USH2A: variants seen among roughly 807,000 people sequenced by gnomAD.
USH2A encodes usherin.
A neutral mutation model predicts 538.9 loss-of-function variants in USH2A; 443 were observed. The observed-to-expected ratio is 0.82, with a 90% confidence interval of 0.76 to 0.89. USH2A has a LOEUF of 0.89. Ranked by LOEUF, USH2A falls within the 40% of genes least tolerant of loss-of-function variation. USH2A has a pLI of 0.00. For synonymous variants in USH2A, 2,413 were observed against 2,273.5 expected, an observed-to-expected ratio of 1.06 and a Z score of -1.75; for missense variants, 6,633 against 6,324.8, an observed-to-expected ratio of 1.05 and a Z score of -1.65.
chr1:215,953,263 T>C (rs1265315817), intron 37 of USH2A, among the ~76,000 whole-genome samples: 1 of 152,080 alleles, frequency 6.6e-6, no homozygotes, highest in Non-Finnish European at 1.5e-5. Flanking sequence ...GCCAAGTCAA[T>C]CCTAAGCCAA....
At chr1:216,058,139 A>G (rs1045467634) in intron 30 of USH2A, among the ~76,000 whole-genome samples, 10 of 127,274 alleles carry the variant, frequency 7.9e-5, no homozygotes, top group Non-Finnish European at 1.4e-4. Flanking sequence ...AGCCTTGTCC[A>G]TAAGGATGAC....
chr1:216,018,103 T>C (rs1668760084), intron 32 of USH2A, among the ~76,000 whole-genome samples: 1 of 152,178 alleles, frequency 6.6e-6, no homozygotes, highest in South Asian at 2.1e-4. Context: ...TATTATAACA[T>C]TTAATATGGA....
At chr1:215,941,669 GT>G (rs1430068558) in intron 37 of USH2A, among the ~76,000 whole-genome samples, 1 of 152,124 alleles carries the variant, frequency 6.6e-6, no homozygotes, top group African/African-American at 2.4e-5. Context: ...TGCTGAGCCT[GT>G]GGTGCTACTA....
intron 32 of USH2A, among the ~76,000 whole-genome samples, chr1:216,040,618 G>A (rs2030232929): frequency 6.6e-6 from 1 of 151,978 alleles, no homozygotes; most frequent in Admixed American, 6.6e-5. Context: ...TCGATCAGGT[G>A]CTGTCCAGCC....
At position 215,703,753 on chromosome 1, in the gene USH2A, T is replaced by C. The variant is rs571726054; in HGVS notation, c.12067-23377A>G. 2.6e-5 allele frequency among the ~76,000 whole-genome samples: 4 copies of C among 152,180 alleles called. No individual in the cohort carries two copies. The South Asian group carries it at 8.3e-4, about 32-fold the overall frequency. On this transcript the variant is annotated intron_variant, in intron 61 of 71. Transcript: ENST00000307340. ...GTAGGTCTTAGCTTGCTGGGCTCCA[T>C]GGGGGTGGGATCCACTGAGCAAGAC...
chr1:216,024,919 T>C (rs1233666062), intron 32 of USH2A, among the ~76,000 whole-genome samples: 1 of 151,956 alleles, frequency 6.6e-6, no homozygotes, highest in Non-Finnish European at 1.5e-5. Flanking sequence ...AAACGGTGAA[T>C]GATTTTAGAA....
intron 20 of USH2A, among the ~76,000 whole-genome samples, 191 bp downstream of exon 20, chr1:216,190,032 C>T (rs1163836197): frequency 1.3e-5 from 2 of 151,912 alleles, no homozygotes; most frequent in Non-Finnish European, 2.9e-5. Flanking sequence ...AGCTGTAACT[C>T]GTAGCTCCTA....
chr1:216,111,372 T>TA (rs2032864886), intron 21 of USH2A, among the ~76,000 whole-genome samples: 2 of 152,192 alleles, frequency 1.3e-5, no homozygotes, highest in African/African-American at 4.8e-5. Context: ...CTGCTATCGC[T>TA]AAGTTCTCCT....
chr1:215,739,933 G>A (rs1209537050), intron 60 of USH2A, among the ~76,000 whole-genome samples: 1 of 152,222 alleles, frequency 6.6e-6, no homozygotes, highest in Non-Finnish European at 1.5e-5. Flanking sequence ...AACAAAGGAT[G>A]TTGAAGAGGT....
At chr1:215,856,297 G>T (rs1201452802) in intron 44 of USH2A, among the ~76,000 whole-genome samples, 1 of 152,094 alleles carries the variant, frequency 6.6e-6, no homozygotes, top group African/African-American at 2.4e-5. Flanking sequence ...TCTGACAAAG[G>T]ACTAATATCC....
chr1:216,127,131 T>C (rs141499636), intron 21 of USH2A, among the ~76,000 whole-genome samples: 2 of 152,360 alleles, frequency 1.3e-5, no homozygotes, highest in East Asian at 1.9e-4. Flanking sequence ...GTTGTTACTT[T>C]CTGAGAAGTT....
At chr1:215,765,319 A>G (rs755194169) in intron 56 of USH2A, among the ~76,000 whole-genome samples, 3 of 152,142 alleles carry the variant, frequency 2.0e-5, no homozygotes, top group Admixed American at 6.6e-5. Flanking sequence ...AACATTCTTT[A>G]TATAGAAAAC....
At chr1:216,374,011 C>A (rs532653586) in intron 3 of USH2A, among the ~76,000 whole-genome samples, 4 of 149,296 alleles carry the variant, frequency 2.7e-5, no homozygotes, top group African/African-American at 9.9e-5. Flanking sequence ...GGACAAAAAA[C>A]CAAACACTGC....
intron 21 of USH2A, among the ~76,000 whole-genome samples, chr1:216,125,626 C>A (rs1028955803): frequency 7.2e-5 from 11 of 152,130 alleles, no homozygotes; most frequent in South Asian, 4.1e-4. Flanking sequence ...ATTAAAGTTG[C>A]CTCTGGATAA....
chr1:216,324,823 C>T (rs2037696632), intron 6 of USH2A, among the ~76,000 whole-genome samples: 1 of 151,998 alleles, frequency 6.6e-6, no homozygotes, highest in Non-Finnish European at 1.5e-5. Flanking sequence ...GTTCAATTGC[C>T]TAGTTCAGTT....
chr1:215,777,631 T>G (rs796782529), intron 55 of USH2A, among the ~76,000 whole-genome samples: 1 of 152,238 alleles, frequency 6.6e-6, no homozygotes, highest in South Asian at 2.1e-4. Flanking sequence ...TTTCAGTTAT[T>G]TCTTTTCTTG....
At chr1:215,683,153 G>A (rs1396775658) in intron 61 of USH2A, among the ~76,000 whole-genome samples, 3 of 151,936 alleles carry the variant, frequency 2.0e-5, no homozygotes, top group African/African-American at 7.3e-5. Context: ...GCGCAAAAGT[G>A]CTGGGATTAC....
At chr1:215,736,986 T>G (rs1660172709) in intron 60 of USH2A, among the ~76,000 whole-genome samples, 1 of 152,002 alleles carries the variant, frequency 6.6e-6, no homozygotes, top group Admixed American at 6.6e-5. Flanking sequence ...CTAAGAATAA[T>G]TCTCTGTATA....
chr1:216,406,017 G>A (rs988091597), intron 3 of USH2A, among the ~76,000 whole-genome samples: 5 of 152,202 alleles, frequency 3.3e-5, no homozygotes, highest in Non-Finnish European at 7.4e-5. Flanking sequence ...GTTGCCAGAA[G>A]TTAGGGACAC....
Sources: gnomAD v4.1 joint callset for allele counts (sites outside exome capture counted in the v4.1 genomes callset) on GRCh38, gnomAD v4.1.1 for gene constraint, MANE v1.5 for transcripts, NCBI Gene and HGNC (gene_info 2026-07-23, HGNC 2026-07-21) for gene names.